Variants in KCNH7 observed in about 807,000 individuals in gnomAD.
The protein encoded by KCNH7 is voltage-gated inwardly rectifying potassium channel KCNH7.
Under a neutral mutation model 120.8 loss-of-function variants are expected in KCNH7, and 49 were observed. That is an observed-to-expected ratio of 0.41 (90% confidence interval 0.32 to 0.51). The LOEUF (loss-of-function observed/expected upper bound fraction) is 0.51. Ranked by LOEUF, KCNH7 falls within the 20% of genes least tolerant of loss-of-function variation. The pLI is 0.38. For synonymous variants in KCNH7, 547 were observed against 516.1 expected (o/e 1.06, Z -0.81); for missense variants, 1,097 against 1,446.6 (o/e 0.76, Z 3.92).
intron 9 of KCNH7, among the ~76,000 whole-genome samples, chr2:162,403,779 G>C (rs1033457207): frequency 2.6e-5 from 4 of 151,928 alleles, no homozygotes; most frequent in Non-Finnish European, 5.9e-5. Context: ...GCCAGTTGTT[G>C]AATGTCTGAT....
At chr2:162,701,150 C>T (rs1207011861) in intron 2 of KCNH7, among the ~76,000 whole-genome samples, 1 of 151,992 alleles carries the variant, frequency 6.6e-6, no homozygotes, top group East Asian at 1.9e-4. Flanking sequence ...CCAAAGAAGT[C>T]ACTGGGAACA....
rs896363744 is a variant in KCNH7 at position 162,445,408 on chromosome 2, A to G, written c.1554+610T>C. ...ATTAGATGAAGTGAACTGTAGGAAA[A>G]CTTAACTTCTTTTGGATCAAAGAGT... On this transcript the variant is annotated intron_variant, in intron 7 of 15. Transcript: ENST00000332142. 2.0e-5 allele frequency among the ~76,000 whole-genome samples: 3 copies of G among 152,128 alleles called. No homozygotes were observed. The East Asian group carries it at 5.8e-4, about 29-fold the overall frequency.
At chr2:162,448,891 T>C (rs1688673081) in intron 6 of KCNH7, among the ~76,000 whole-genome samples, 1 of 152,038 alleles carries the variant, frequency 6.6e-6, no homozygotes, top group Non-Finnish European at 1.5e-5. Flanking sequence ...TCCACTTCAC[T>C]CAGGGCCTGG....
intron 2 of KCNH7, among the ~76,000 whole-genome samples, chr2:162,740,060 G>A (rs1688066647): frequency 6.6e-6 from 1 of 152,158 alleles, no homozygotes; most frequent in Non-Finnish European, 1.5e-5. Context: ...GTCAGTACCT[G>A]GGGTGGTTCT....
intron 8 of KCNH7, 129 bp from the exon 9 acceptor site, chr2:162,423,664 A>G: frequency 2.5e-6 from 2 of 815,092 alleles, no homozygotes; most frequent in South Asian, 2.1e-5. Flanking sequence ...TCACGGGGAA[A>G]AAAAGAAGTT....
chr2:162,480,074 T>G (rs1441603937), intron 6 of KCNH7, among the ~76,000 whole-genome samples: 1 of 152,124 alleles, frequency 6.6e-6, no homozygotes, highest in African/African-American at 2.4e-5. Flanking sequence ...AAAGAAAATC[T>G]CTAGTTGAAG....
chr2:162,451,321 G>T (rs747237773), intron 6 of KCNH7, among the ~76,000 whole-genome samples: 1 of 152,014 alleles, frequency 6.6e-6, no homozygotes, highest in Non-Finnish European at 1.5e-5. Flanking sequence ...TGAAATCCTG[G>T]TTCAAACGAA....
At chr2:162,498,842 A>G (rs1418575566) in intron 6 of KCNH7, among the ~76,000 whole-genome samples, 2 of 152,122 alleles carry the variant, frequency 1.3e-5, no homozygotes, top group Non-Finnish European at 2.9e-5. Flanking sequence ...CACAGAAGCA[A>G]GGGAGAGAAT....
chr2:162,551,065 G>T (rs1002637807), intron 2 of KCNH7, among the ~76,000 whole-genome samples: 1 of 152,098 alleles, frequency 6.6e-6, no homozygotes, highest in Non-Finnish European at 1.5e-5. Context: ...ACTTAGTTCT[G>T]TGTGGTGGTC....
intron 6 of KCNH7, among the ~76,000 whole-genome samples, chr2:162,453,062 T>A (rs1351723752): frequency 6.6e-6 from 1 of 151,994 alleles, no homozygotes; most frequent in Non-Finnish European, 1.5e-5. Context: ...ATCTAGCTTT[T>A]AAGCCCCACA....
At chr2:162,487,207 A>G (rs1433654463) in intron 6 of KCNH7, among the ~76,000 whole-genome samples, 1 of 152,228 alleles carries the variant, frequency 6.6e-6, no homozygotes, top group African/African-American at 2.4e-5. Flanking sequence ...AAATATCACA[A>G]AAACATACAT....
chr2:162,463,525 T>C (rs1277963018), intron 6 of KCNH7, among the ~76,000 whole-genome samples: 2 of 152,002 alleles, frequency 1.3e-5, no homozygotes, highest in Non-Finnish European at 2.9e-5. Flanking sequence ...ATATTTTCTG[T>C]ACCTTAAACG....
chr2:162,707,489 C>T (rs1174995871), intron 2 of KCNH7, among the ~76,000 whole-genome samples: 5 of 151,962 alleles, frequency 3.3e-5, no homozygotes, highest in African/African-American at 9.7e-5. Flanking sequence ...GAAAGAAATG[C>T]TTCATTTTTA....
At chr2:162,403,212 A>G (rs886805038) in intron 9 of KCNH7, among the ~76,000 whole-genome samples, 2 of 151,928 alleles carry the variant, frequency 1.3e-5, no homozygotes, top group African/African-American at 4.8e-5. Context: ...TAGAAAGCCA[A>G]AAATCTATTA....
At chr2:162,381,341 C>G (rs982689403) in intron 13 of KCNH7, among the ~76,000 whole-genome samples, 1 of 152,048 alleles carries the variant, frequency 6.6e-6, no homozygotes, top group Non-Finnish European at 1.5e-5. Context: ...GCAGGATTAG[C>G]TATGATTTTA....
intron 9 of KCNH7, among the ~76,000 whole-genome samples, chr2:162,406,334 G>T (rs879937028): frequency 5.9e-5 from 9 of 151,870 alleles, no homozygotes; most frequent in Non-Finnish European, 8.8e-5. Flanking sequence ...GTATGAGAAG[G>T]TTTATCTATG....
intron 6 of KCNH7, among the ~76,000 whole-genome samples, chr2:162,447,297 T>C (rs1265728847): frequency 1.3e-5 from 2 of 152,056 alleles, no homozygotes; most frequent in Non-Finnish European, 2.9e-5. Context: ...AAGTACAGTT[T>C]TGTCTCTACC....
At chr2:162,473,179 C>T (rs1689621222) in intron 6 of KCNH7, among the ~76,000 whole-genome samples, 1 of 151,674 alleles carries the variant, frequency 6.6e-6, no homozygotes, top group South Asian at 2.1e-4. Flanking sequence ...ATGTAACAAA[C>T]CGGCACGTTG....
At chr2:162,624,524 TG>T (rs1029518670) in intron 2 of KCNH7, among the ~76,000 whole-genome samples, 1 of 152,184 alleles carries the variant, frequency 6.6e-6, no homozygotes, top group African/African-American at 2.4e-5. Flanking sequence ...GGTGTAAACC[TG>T]GTCTGCTGTC....
Sources: gnomAD v4.1 joint callset for allele counts (sites outside exome capture counted in the v4.1 genomes callset) on GRCh38, gnomAD v4.1.1 for gene constraint, MANE v1.5 for transcripts, NCBI Gene and HGNC (gene_info 2026-07-23, HGNC 2026-07-21) for gene names.